Variants in ANKRD11 observed in about 807,000 individuals in gnomAD.
The protein encoded by ANKRD11 is ankyrin repeat domain 11, also known as ankyrin repeat domain-containing protein 11.
A neutral mutation model predicts 195.7 loss-of-function variants in ANKRD11; 17 were observed. That is an observed-to-expected ratio of 0.09 (90% confidence interval 0.06 to 0.13). The LOEUF (loss-of-function observed/expected upper bound fraction) is 0.13. Among genes scored for constraint, ANKRD11 ranks in the 10% least tolerant of loss-of-function variants. The probability of loss-of-function intolerance (pLI) is 1.00; values close to 1 mark genes in which losing one functional copy is unlikely to be tolerated. For synonymous variants in ANKRD11, 1,953 were observed against 1,528.1 expected (o/e 1.28, Z -6.49); for missense variants, 3,735 against 3,566.1 (o/e 1.05, Z -1.21).
At chr16:89,292,940 AC>A (rs1359586701) in intron 4 of ANKRD11, among the ~76,000 whole-genome samples, 4 of 152,110 alleles carry the variant, frequency 2.6e-5, no homozygotes, top group Admixed American at 2.6e-4. Context: ...CCACCTCTAA[AC>A]AACAGAAGCA....
At chr16:89,393,290 C>CT (rs887714190) in intron 2 of ANKRD11, among the ~76,000 whole-genome samples, 7 of 151,140 alleles carry the variant, frequency 4.6e-5, no homozygotes, top group Non-Finnish European at 7.4e-5. Flanking sequence ...TTAGTTTCCT[C>CT]TTTTTTTTAC....
At chr16:89,345,462 G>A (rs1055134352) in intron 2 of ANKRD11, among the ~76,000 whole-genome samples, 7 of 152,152 alleles carry the variant, frequency 4.6e-5, no homozygotes, top group Non-Finnish European at 1.0e-4. Flanking sequence ...CTGCAGCCAC[G>A]GAAGGACGAA....
intron 3 of ANKRD11, among the ~76,000 whole-genome samples, chr16:89,307,316 G>C (rs2036343401): frequency 2.0e-5 from 3 of 152,174 alleles, no homozygotes; most frequent in African/African-American, 7.2e-5. Context: ...ACATCTTCCA[G>C]CTCAGTCACT....
At chr16:89,328,565 G>C (rs1420184338) in intron 2 of ANKRD11, among the ~76,000 whole-genome samples, 1 of 150,664 alleles carries the variant, frequency 6.6e-6, no homozygotes, top group African/African-American at 2.5e-5. Context: ...GGCCCCTGCT[G>C]AGTGAGTGGA....
chr16:89,268,538 C>T lies in ANKRD11; in HGVS notation c.7932G>A (p.Val2644=), dbSNP rs1312739816. ...AGHKSLCVNE[V]PSFYVPMVDV... ...CGACCATGGGCACGTAGAAGGAGGG[C>T]ACCTCGTTCACGCACAGGGACTTGT... is the stretch of plus-strand genomic sequence containing the variant. Residue 2644 remains valine, a synonymous_variant, in exon 13 of 13, where the codon GTG becomes GTA. Transcript: ENST00000301030. 1 of 1,470,294 alleles carries T rather than the reference C, an allele frequency of 6.8e-7. No individual in the cohort carries two copies. The highest frequency in any genetic ancestry group is 9.3e-7 in the Non-Finnish European group (1 of 1,076,048). The allele number at this position is 1,470,294 out of a possible 1,614,324, so 91.1% of individuals were successfully genotyped here. A position where few individuals can be genotyped will look rare whatever the true frequency, so the allele number is the denominator to read the frequency against.
chr16:89,378,871 G>A (rs145725714), intron 2 of ANKRD11, among the ~76,000 whole-genome samples: 1 of 152,170 alleles, frequency 6.6e-6, no homozygotes, highest in South Asian at 2.1e-4. Context: ...GGTGGGGCGA[G>A]GTGGGGAAGG....
At chr16:89,425,658 C>T (rs778377479) in intron 1 of ANKRD11, among the ~76,000 whole-genome samples, 18 of 152,120 alleles carry the variant, frequency 1.2e-4, no homozygotes, top group African/African-American at 3.4e-4. Context: ...TCGATTTTTT[C>T]GGGCTGGGGG....
At chr16:89,433,315 A>G (rs1339193260) in intron 1 of ANKRD11, among the ~76,000 whole-genome samples, 3 of 152,208 alleles carry the variant, frequency 2.0e-5, no homozygotes, top group African/African-American at 4.8e-5. Flanking sequence ...CTGCTAACCT[A>G]CAAGTTAATT....
intron 2 of ANKRD11, among the ~76,000 whole-genome samples, chr16:89,386,175 T>C (rs762339143): frequency 4.6e-5 from 7 of 152,236 alleles, no homozygotes; most frequent in Non-Finnish European, 8.8e-5. Flanking sequence ...GAACAATTCA[T>C]CTTTTAATGT....
intron 2 of ANKRD11, among the ~76,000 whole-genome samples, chr16:89,371,393 G>C (rs1403535376): frequency 6.6e-6 from 1 of 152,184 alleles, no homozygotes; most frequent in Non-Finnish European, 1.5e-5. Flanking sequence ...TTTAAATCAA[G>C]TCATTCCCTG....
intron 2 of ANKRD11, among the ~76,000 whole-genome samples, chr16:89,399,423 G>A (rs2041600105): frequency 6.6e-6 from 1 of 152,158 alleles, no homozygotes; most frequent in African/African-American, 2.4e-5. Context: ...ACTACACGCT[G>A]TACGGTTCCG....
intron 12 of ANKRD11, chr16:89,270,562 T>G (rs1047510897): frequency 1.9e-6 from 1 of 530,016 alleles, no homozygotes; most frequent in Admixed American, 3.0e-5. Context: ...AAGCCTAGGG[T>G]CCTGTTGAGC....
At position 89,362,959 on chromosome 16, in the gene ANKRD11, T is replaced by TA. The variant is rs1010958799; in HGVS notation, c.-59-45882dup. Among the ~76,000 whole-genome samples, 122 of 152,004 alleles carry TA rather than the reference T, an allele frequency of 8.0e-4. 2 individuals are homozygous for TA. The highest frequency in any genetic ancestry group is 2.8e-3 in the African/African-American group (116 of 41,306). ...TGGAAACCGGACACAGCAGTTGGTA[T>TA]AAAAAAACCGGACACAGCGTCAGGT... On this transcript the variant is annotated intron_variant, in intron 2 of 12. Transcript: ENST00000301030.
intron 1 of ANKRD11, among the ~76,000 whole-genome samples, chr16:89,441,767 C>CAAAAAAA (rs57747159): frequency 0.018 from 950 of 52,266 alleles, 228 homozygotes; most frequent in Non-Finnish European, 0.023. Context: ...ACTCCGCCTA[C>CAAAAAAA]AAAAAAAAAA....
At chr16:89,456,662 G>C (rs2056451396) in intron 1 of ANKRD11, among the ~76,000 whole-genome samples, 1 of 151,906 alleles carries the variant, frequency 6.6e-6, no homozygotes, top group South Asian at 2.1e-4. Flanking sequence ...ACAGTTCCAA[G>C]ACATACAACA....
chr16:89,281,306 T>C lies in ANKRD11; in HGVS notation c.5236A>G (p.Thr1746Ala). 6.2e-7 allele frequency: 1 copy of C among 1,613,808 alleles called. No individual in the cohort carries two copies. The highest frequency in any genetic ancestry group is 8.5e-7 in the Non-Finnish European group (1 of 1,179,904). ...VFDCADSQHS[T>A]PVPTAPTSAC... is the part of the protein sequence containing the mutation. ...CTGGTGGGAGCGGTGGGCACGGGCG[T>C]GGAGTGCTGCGAGTCGGCGCAGTCG... Residue 1746 changes from threonine to alanine, a missense_variant, in exon 9 of 13, where the codon ACG (threonine) becomes GCG (alanine). Coordinates refer to ENST00000301030, the MANE Select transcript of ANKRD11 (RefSeq NM_013275.6). The surrounding 1 kb of genome is among the most constrained non-coding windows in gnomAD (Gnocchi z 5.5).
chr16:89,378,017 G>A (rs951293799), intron 2 of ANKRD11, among the ~76,000 whole-genome samples: 2 of 151,934 alleles, frequency 1.3e-5, no homozygotes, highest in African/African-American at 4.8e-5. Context: ...CTTTTCTCTA[G>A]CTTACTTTAC....
In ANKRD11 at chr16:89,285,669, A is replaced by G; in HGVS notation, c.893-20T>C. ...AGCTCTCTGTTGGAGGTAGGAAGCGAGAGGTCACAGGCAGGCTCAAAACAG... is the reference window on the plus strand; with the variant it reads ...AGCTCTCTGTTGGAGGTAGGAAGCGGGAGGTCACAGGCAGGCTCAAAACAG... On this transcript the variant is annotated intron_variant, in intron 8 of 12. Coordinates refer to ENST00000301030, the MANE Select transcript of ANKRD11 (RefSeq NM_013275.6). This position sits in a 1 kb window ranked among gnomAD's most constrained non-coding sequence, Gnocchi z 5.6. The G allele has an allele frequency of 6.2e-7, 1 of 1,613,342 alleles. No individual in the cohort carries two copies. The highest frequency in any genetic ancestry group is 8.5e-7 in the Non-Finnish European group (1 of 1,179,268).
rs1344216035 is a variant in ANKRD11, at chr16:89,290,610, GCA to G, written c.601+13_601+14del. 2 of 1,610,590 alleles carry G rather than the reference GCA, an allele frequency of 1.2e-6. No individual in the cohort carries two copies. Among genetic ancestry groups the G allele is most frequent in the Non-Finnish European group, 1.7e-6 (2 of 1,179,878 alleles). On this transcript the variant is annotated intron_variant, in intron 6 of 12. Coordinates refer to ENST00000301030, the MANE Select transcript of ANKRD11 (RefSeq NM_013275.6). Reference sequence around the variant, plus strand: ...AGTGGGGCTCTCTGGCCCTTGCCAGGCACAGGGTGCCCACCTGCGAAGTCCTT... The same window carrying G: ...AGTGGGGCTCTCTGGCCCTTGCCAGGCAGGGTGCCCACCTGCGAAGTCCTT...
Sources: gnomAD v4.1 joint callset for allele counts (sites outside exome capture counted in the v4.1 genomes callset) on GRCh38, gnomAD v4.1.1 for gene constraint, Gnocchi (gnomAD v3.1) non-coding constraint, MANE v1.5 for transcripts, NCBI Gene and HGNC (gene_info 2026-07-23, HGNC 2026-07-21) for gene names.